The following SCRN1 variants were observed in gnomAD, a reference collection of about 807,000 sequenced individuals.
SCRN1 encodes secernin-1.
Under a neutral mutation model 43.3 loss-of-function variants are expected in SCRN1, and 19 were observed. The observed-to-expected ratio is 0.44, with a 90% confidence interval of 0.31 to 0.64. The LOEUF (loss-of-function observed/expected upper bound fraction) is 0.64, where lower values mean the gene tolerates loss of function less well. Among genes scored for constraint, SCRN1 ranks in the 30% least tolerant of loss-of-function variants. The probability of loss-of-function intolerance (pLI) is 0.09; values close to 1 mark genes in which losing one functional copy is unlikely to be tolerated. For missense variants in SCRN1, 447 were observed against 524.1 expected (o/e 0.85, Z 1.44); for synonymous variants, 183 against 188.9 (o/e 0.97, Z 0.26).
chr7:29,957,659 G>A (rs141685047), intron 2 of SCRN1, among the ~76,000 whole-genome samples: 73 of 152,292 alleles, frequency 4.8e-4, no homozygotes, highest in African/African-American at 1.7e-3. Context: ...AAATTACAAA[G>A]CTCTAAGGGA....
At chr7:29,985,745 A>T (rs890107824) in intron 1 of SCRN1, among the ~76,000 whole-genome samples, 20 of 152,238 alleles carry the variant, frequency 1.3e-4, no homozygotes, top group Admixed American at 1.2e-3. Context: ...TCATAGTCTC[A>T]TACTCAGCAG....
At chr7:29,990,188 G>A, upstream of SCRN1, 2 of 1,551,652 alleles carry the variant, frequency 1.3e-6, no homozygotes, top group Non-Finnish European at 1.7e-6. Flanking sequence ...GTACCTTGTT[G>A]ACTCGCACGT....
chr7:29,990,150 A>G (rs1377027066), upstream of SCRN1: 1 of 1,551,570 alleles, frequency 6.4e-7, no homozygotes, highest in Admixed American at 2.0e-5. Flanking sequence ...GCGCCCACAC[A>G]AGATTTCCCC....
intron 1 of SCRN1, among the ~76,000 whole-genome samples, chr7:29,983,020 G>T (rs1789038804): frequency 6.6e-6 from 1 of 151,820 alleles, no homozygotes; most frequent in African/African-American, 2.4e-5. Flanking sequence ...TGTATTTTTA[G>T]TAGAGACGTG....
chr7:29,926,787 A>G (rs951958942), intron 6 of SCRN1, among the ~76,000 whole-genome samples, 155 bp from the exon 7 acceptor site: 9 of 152,120 alleles, frequency 5.9e-5, no homozygotes, highest in South Asian at 2.1e-4. Context: ...AGAGAGACAT[A>G]ACTGCATGTT....
Position 29,941,404 on chromosome 7 carries a change from T to A in SCRN1, c.545-528A>T, listed in dbSNP as rs184867531. On this transcript the variant is annotated intron_variant, in intron 4 of 7. Transcript: ENST00000242059. ...TTGGCCAAATCTATATGGTTTTTTT[T>A]AAAAAATACAAATCAAATACTTCAT... Among the ~76,000 whole-genome samples, 994 of 152,304 alleles carry A rather than the reference T, an allele frequency of 6.5e-3. 14 individuals carry two copies. The highest frequency in any genetic ancestry group is 0.021 in the African/African-American group (866 of 41,556).
At chr7:29,964,700 T>C (rs191406408) in intron 2 of SCRN1, among the ~76,000 whole-genome samples, 2 of 152,218 alleles carry the variant, frequency 1.3e-5, no homozygotes, top group African/African-American at 4.8e-5. Flanking sequence ...CCCAGCACTT[T>C]GGGAGGCCGA....
At chr7:29,933,777 CA>C (rs1787236485) in intron 6 of SCRN1, among the ~76,000 whole-genome samples, 1 of 152,144 alleles carries the variant, frequency 6.6e-6, no homozygotes. Flanking sequence ...ATTTCAAGGA[CA>C]AGATCTATAA....
chr7:29,950,173 G>A lies in SCRN1; in HGVS notation c.341+5006C>T, dbSNP rs1197468387. Among the ~76,000 whole-genome samples the A allele has an allele frequency of 6.6e-6, 1 of 152,206 alleles. No homozygotes were observed. The highest frequency in any genetic ancestry group is 1.5e-5 in the Non-Finnish European group (1 of 68,032). On this transcript the variant is annotated intron_variant, in intron 3 of 7. Coordinates refer to ENST00000242059, the MANE Select transcript of SCRN1 (RefSeq NM_014766.5). The surrounding 1 kb of genome is among the most constrained non-coding windows in gnomAD (Gnocchi z 4.5). ...TGCCCCTACAGGCTTGGAAGTGCCT[G>A]CTTCCTGCTCCCTGACCTCTTCCCG...
At chr7:29,976,556 G>A (rs76822367) in intron 1 of SCRN1, among the ~76,000 whole-genome samples, 4,077 of 152,288 alleles carry the variant, frequency 0.027, 73 homozygotes, top group African/African-American at 0.042. Context: ...AAAATGGTTA[G>A]GATGGTAAAT....
chr7:29,947,371 T>C lies in SCRN1; in HGVS notation c.342-3192A>G, dbSNP rs1583666915. On this transcript the variant is annotated intron_variant, in intron 3 of 7. Transcript: ENST00000242059. Reference sequence around the variant, plus strand: ...GTACTTCTCCTGCTTAAAGCCCGTTTGTTTAGAAACTCTGCTTATCTTTTC... The same window carrying C: ...GTACTTCTCCTGCTTAAAGCCCGTTCGTTTAGAAACTCTGCTTATCTTTTC... The C allele has an allele frequency of 1.9e-5, 29 of 1,541,186 alleles. No individual in the cohort carries two copies. The East Asian group carries it at 7.1e-4, about 38-fold the overall frequency.
rs762711079 is a variant in SCRN1 at position 29,940,809 on chromosome 7, G to A, written c.612C>T (p.Leu204=). ...AACCTTGGCTCTGAGCGTAACTCCT[G>A]AGTTCCGGATGCTCTGCATCCATCT... ...TTKMDAEHPE[L]RSYAQSQGWW... is the part of the protein sequence containing the mutation. The change falls in exon 5 of 8, where the codon CTC becomes CTT. Residue 204 remains leucine, a synonymous_variant. Coordinates refer to ENST00000242059, the MANE Select transcript of SCRN1 (RefSeq NM_014766.5). 4 of 1,606,506 alleles carry A rather than the reference G, an allele frequency of 2.5e-6. No homozygotes were observed. The Admixed American group carries it at 7.0e-5, about 28-fold the overall frequency.
chr7:29,934,394 C>T (rs531042835), intron 6 of SCRN1, among the ~76,000 whole-genome samples: 1 of 152,306 alleles, frequency 6.6e-6, no homozygotes, highest in East Asian at 1.9e-4. Flanking sequence ...GTATCTGAGA[C>T]ATCAGGGACA....
At chr7:29,953,543 A>G (rs535407807) in intron 3 of SCRN1, among the ~76,000 whole-genome samples, 3 of 152,334 alleles carry the variant, frequency 2.0e-5, no homozygotes, top group Middle Eastern at 3.4e-3. Context: ...TAAAAAAAAA[A>G]AAACTTCTTG....
At chr7:29,939,592 G>A (rs1317833494) in intron 5 of SCRN1, among the ~76,000 whole-genome samples, 1 of 152,200 alleles carries the variant, frequency 6.6e-6, no homozygotes, top group Non-Finnish European at 1.5e-5. Flanking sequence ...CCATTATAGT[G>A]AGAAAGCAGC....
intron 2 of SCRN1, 114 bp downstream of exon 2, chr7:29,968,795 T>C: frequency 7.6e-7 from 1 of 1,314,574 alleles, no homozygotes; most frequent in African/African-American, 1.4e-5. Flanking sequence ...TCAGCAGAAC[T>C]GACATGATAG....
intron 4 of SCRN1, among the ~76,000 whole-genome samples, chr7:29,943,512 A>G (rs1443561771): frequency 1.3e-5 from 2 of 152,172 alleles, no homozygotes; most frequent in Non-Finnish European, 2.9e-5. Context: ...TTCACTCACA[A>G]AGAAATCCCA....
intron 6 of SCRN1, among the ~76,000 whole-genome samples, chr7:29,929,216 G>A (rs904033776): frequency 6.6e-6 from 1 of 152,182 alleles, no homozygotes; most frequent in African/African-American, 2.4e-5. Flanking sequence ...GAGTCAGCTC[G>A]GTTCACATCT....
At chr7:29,989,425 G>C (rs1169081499) in intron 1 of SCRN1, among the ~76,000 whole-genome samples, 1 of 152,106 alleles carries the variant, frequency 6.6e-6, no homozygotes, top group Admixed American at 6.5e-5. Context: ...CCCGAGCCGA[G>C]TCACCCCGGC....
Sources: gnomAD v4.1 joint callset for allele counts (sites outside exome capture counted in the v4.1 genomes callset) on GRCh38, gnomAD v4.1.1 for gene constraint, Gnocchi (gnomAD v3.1) non-coding constraint, MANE v1.5 for transcripts, NCBI Gene and HGNC (gene_info 2026-07-23, HGNC 2026-07-21) for gene names.